Variants in LMTK2 observed in about 807,000 individuals in gnomAD.
LMTK2 encodes lemur tail kinase 2.
A neutral mutation model predicts 127.5 loss-of-function variants in LMTK2; 37 were observed. The ratio of observed to expected loss-of-function variants is 0.29; its 90% confidence interval spans 0.22 to 0.38. The LOEUF is 0.38. Among genes scored for constraint, LMTK2 ranks in the 10% least tolerant of loss-of-function variants. The probability of loss-of-function intolerance (pLI) is 1.00; values close to 1 mark genes in which losing one functional copy is unlikely to be tolerated. For synonymous variants in LMTK2, 819 were observed against 810.1 expected (o/e 1.01, Z -0.19); for missense variants, 1,694 against 1,920.3 (o/e 0.88, Z 2.20).
intron 8 of LMTK2, among the ~76,000 whole-genome samples, chr7:98,186,524 C>T (rs1388480062): frequency 1.3e-5 from 2 of 152,214 alleles, no homozygotes; most frequent in African/African-American, 4.8e-5. Flanking sequence ...CTAAAGCCTA[C>T]AGTCTTGCTC....
At chr7:98,117,113 C>T (rs57220867) in intron 1 of LMTK2, among the ~76,000 whole-genome samples, 2 of 152,230 alleles carry the variant, frequency 1.3e-5, no homozygotes, top group South Asian at 2.1e-4. Context: ...CTCTGTCCTC[C>T]CCTCCCCATG....
chr7:98,133,501 CTAAA>C (rs983864978), intron 1 of LMTK2, among the ~76,000 whole-genome samples: 9 of 150,656 alleles, frequency 6.0e-5, no homozygotes, highest in Non-Finnish European at 1.2e-4. Flanking sequence ...TTTTTCATTG[CTAAA>C]TAGAGTTTTT....
chr7:98,128,671 G>A (rs1204287634), intron 1 of LMTK2, among the ~76,000 whole-genome samples: 2 of 152,222 alleles, frequency 1.3e-5, no homozygotes, highest in Admixed American at 6.5e-5. Flanking sequence ...CTGCCCGTGT[G>A]TGGGGCTTTC....
At chr7:98,168,013 G>C (rs1045299510) in intron 6 of LMTK2, among the ~76,000 whole-genome samples, 3 of 152,188 alleles carry the variant, frequency 2.0e-5, no homozygotes, top group Admixed American at 6.5e-5. Context: ...GGGGAGAAGT[G>C]GGCAGGTCAC....
intron 3 of LMTK2, among the ~76,000 whole-genome samples, chr7:98,145,619 C>T (rs1392125221): frequency 6.6e-6 from 1 of 152,074 alleles, no homozygotes; most frequent in African/African-American, 2.4e-5. Context: ...TTTCTCTCTG[C>T]CTCCATATGT....
intron 6 of LMTK2, among the ~76,000 whole-genome samples, chr7:98,164,866 CAG>C (rs1427202057): frequency 1.3e-5 from 2 of 152,244 alleles, no homozygotes; most frequent in Non-Finnish European, 2.9e-5. Context: ...GCAATTTCTT[CAG>C]CTCCATCACC....
intron 9 of LMTK2, among the ~76,000 whole-genome samples, chr7:98,187,349 C>T (rs1408023436): frequency 6.6e-6 from 1 of 152,116 alleles, no homozygotes; most frequent in African/African-American, 2.4e-5. Context: ...CATGTTTATA[C>T]TATGATTTAT....
intron 1 of LMTK2, among the ~76,000 whole-genome samples, chr7:98,118,818 C>A (rs996281830): frequency 6.6e-6 from 1 of 152,122 alleles, no homozygotes; most frequent in Non-Finnish European, 1.5e-5. Context: ...TTTGGCCGGG[C>A]GCAGTGGCTC....
chr7:98,152,670 G>C (rs945544270), intron 4 of LMTK2, among the ~76,000 whole-genome samples: 1 of 152,188 alleles, frequency 6.6e-6, no homozygotes, highest in Non-Finnish European at 1.5e-5. Context: ...AGGGCAGGCA[G>C]GTGATCTGGG....
At chr7:98,115,123 A>C (rs1207152734) in intron 1 of LMTK2, among the ~76,000 whole-genome samples, 1 of 152,186 alleles carries the variant, frequency 6.6e-6, no homozygotes, top group Admixed American at 6.5e-5. Context: ...GAAAGAACAT[A>C]AAATGTACTG....
chr7:98,110,465 T>C (rs6465652), intron 1 of LMTK2, among the ~76,000 whole-genome samples: 150,690 of 152,218 alleles, frequency 0.99, 74,611 homozygotes, highest in Middle Eastern at 1. Flanking sequence ...CTAAGACTTG[T>C]TGGTCCTCTC....
rs374133476 is a variant in LMTK2 at position 98,136,163 on chromosome 7, C to T, written c.104-1152C>T. 7.2e-4 allele frequency among the ~76,000 whole-genome samples: 109 copies of T among 152,294 alleles called. No individual in the cohort carries two copies. The South Asian group carries it at 0.022, about 31-fold the overall frequency. ...CTTGGTAGAGCTCCCAGTGACAAGGCTGGAATCGTTGGAGCCACAAAATAA... is the reference window on the plus strand; with the variant it reads ...CTTGGTAGAGCTCCCAGTGACAAGGTTGGAATCGTTGGAGCCACAAAATAA... On this transcript the variant is annotated intron_variant, in intron 1 of 13. Coordinates refer to ENST00000297293, the MANE Select transcript of LMTK2 (RefSeq NM_014916.4).
At chr7:98,156,430 A>G (rs976745899) in intron 5 of LMTK2, among the ~76,000 whole-genome samples, 2 of 151,462 alleles carry the variant, frequency 1.3e-5, no homozygotes, top group African/African-American at 2.4e-5. Context: ...ACGCCACTGC[A>G]CTCCAGCCTG....
At chr7:98,180,008 C>T (rs9641231) in intron 7 of LMTK2, among the ~76,000 whole-genome samples, 9,123 of 152,220 alleles carry the variant, frequency 0.06, 672 homozygotes, top group East Asian at 0.36. Context: ...GCCTCAGTGT[C>T]CATATTTGTT....
intron 5 of LMTK2, among the ~76,000 whole-genome samples, chr7:98,155,285 C>T (rs2116394017): frequency 6.6e-6 from 1 of 152,208 alleles, no homozygotes; most frequent in East Asian, 1.9e-4. Flanking sequence ...CAGTTACAGC[C>T]TCAGGGGCAT....
chr7:98,128,225 C>G (rs976568442), intron 1 of LMTK2, among the ~76,000 whole-genome samples: 1 of 152,082 alleles, frequency 6.6e-6, no homozygotes, highest in Non-Finnish European at 1.5e-5. Flanking sequence ...TGAGTTTTAC[C>G]CCTCCATGTA....
At chr7:98,157,401 G>A (rs191914725) in intron 5 of LMTK2, among the ~76,000 whole-genome samples, 1,599 of 152,130 alleles carry the variant, frequency 0.011, 9 homozygotes, top group Middle Eastern at 0.027. Flanking sequence ...AAATACCTGG[G>A]CACTATGGCC....
chr7:98,139,635 C>T (rs1022733168), intron 2 of LMTK2, among the ~76,000 whole-genome samples: 2 of 152,116 alleles, frequency 1.3e-5, no homozygotes, highest in African/African-American at 4.8e-5. Context: ...ATTGAAGTTA[C>T]GGTACCTCAT....
chr7:98,128,920 C>T (rs1034611257), intron 1 of LMTK2, among the ~76,000 whole-genome samples: 4 of 152,118 alleles, frequency 2.6e-5, no homozygotes, highest in African/African-American at 4.8e-5. Context: ...AAAATGGGTA[C>T]ATGTTTGTGG....
Sources: allele counts gnomAD v4.1 joint callset (sites outside exome capture counted in the v4.1 genomes callset), GRCh38; gene constraint gnomAD v4.1.1; transcripts MANE v1.5; gene names NCBI Gene and HGNC (gene_info 2026-07-23, HGNC 2026-07-21).